Variants in RGS6 observed in about 807,000 individuals in gnomAD.
RGS6 encodes the protein regulator of G protein signaling 6, also known as regulator of G-protein signaling 6.
In RGS6, 30 loss-of-function variants were observed where a neutral mutation model predicts 78.5. That is an observed-to-expected ratio of 0.38 (90% CI 0.29 to 0.52). The LOEUF (loss-of-function observed/expected upper bound fraction) is 0.52. RGS6 is among the 20% of genes least tolerant of loss of function. The pLI is 0.85. For synonymous variants in RGS6, 206 were observed against 206.0 expected (o/e 1.00, Z 0.00); for missense variants, 495 against 609.7 (o/e 0.81, Z 1.98).
intron 3 of RGS6, among the ~76,000 whole-genome samples, chr14:72,383,177 C>CAT (rs35175623): frequency 0.11 from 7,716 of 70,558 alleles, 552 homozygotes; most frequent in Non-Finnish European, 0.15. Context: ...AAAAATTGTA[C>CAT]ATATATATAT....
At position 72,512,060 on chromosome 14, in the gene RGS6, C is replaced by T. The variant is rs117702942; in HGVS notation, c.1091+1781C>T. 3.2e-4 allele frequency among the ~76,000 whole-genome samples: 48 copies of T among 152,230 alleles called. 2 individuals carry two copies. In the East Asian group the frequency reaches 6.4e-3, roughly 20 times the overall value. ...GTGTAGCCAGCTCAGTCCCAGTTTCCACCCCCTCCATGGTCCCTATGAGCC... is the reference window on the plus strand; with the variant it reads ...GTGTAGCCAGCTCAGTCCCAGTTTCTACCCCCTCCATGGTCCCTATGAGCC... On this transcript the variant is annotated intron_variant, in intron 14 of 17. Coordinates refer to ENST00000553525, the MANE Select transcript of RGS6 (RefSeq NM_001204424.2).
the RGS6 span, chr14:72,619,511 G>T: frequency 2.2e-6 from 2 of 901,392 alleles, no homozygotes; most frequent in Non-Finnish European, 3.3e-6. Context: ...ACGTGCCAGA[G>T]TCTGTGGCTC....
intron 2 of RGS6, among the ~76,000 whole-genome samples, chr14:72,040,108 TGTA>T (rs534680728): frequency 1.2e-3 from 187 of 152,242 alleles, no homozygotes; most frequent in African/African-American, 4.5e-3. Context: ...GTTTTATAAT[TGTA>T]GTTATTTTTT....
chr14:71,917,607 C>T, the RGS6 span, among the ~76,000 whole-genome samples: 1 of 152,098 alleles, frequency 6.6e-6, no homozygotes, highest in Non-Finnish European at 1.5e-5. Flanking sequence ...CCCACCTGCT[C>T]CCTCTGTCAT....
At chr14:72,294,440 T>C (rs1437044978) in intron 2 of RGS6, among the ~76,000 whole-genome samples, 2 of 152,228 alleles carry the variant, frequency 1.3e-5, no homozygotes, top group African/African-American at 2.4e-5. Context: ...TGGATATTAT[T>C]ACCAAAGCCA....
intron 2 of RGS6, among the ~76,000 whole-genome samples, chr14:72,076,199 C>T (rs772568978): frequency 2.6e-5 from 4 of 152,186 alleles, no homozygotes; most frequent in Non-Finnish European, 4.4e-5. Context: ...GCACCTTAGC[C>T]TGTTCTTCAC....
intron 2 of RGS6, among the ~76,000 whole-genome samples, chr14:72,251,081 T>C (rs1331588552): frequency 2.0e-5 from 3 of 152,230 alleles, no homozygotes; most frequent in African/African-American, 7.2e-5. Flanking sequence ...TAGTAGTAAA[T>C]GCTTTTTAAG....
chr14:72,407,052 C>G (rs1355495886), intron 3 of RGS6, among the ~76,000 whole-genome samples: 1 of 152,176 alleles, frequency 6.6e-6, no homozygotes, highest in African/African-American at 2.4e-5. Flanking sequence ...TCTTTAGTTA[C>G]ATTGATGTTG....
rs574353339 is a variant in RGS6 at position 72,054,152 on chromosome 14, G to C, written c.84+89277G>C. Among the ~76,000 whole-genome samples the C allele has an allele frequency of 4.6e-5, 7 of 152,282 alleles. No individual in the cohort carries two copies. The South Asian group carries it at 1.5e-3, about 32-fold the overall frequency. On this transcript the variant is annotated intron_variant, in intron 2 of 17. Transcript: ENST00000553525. ...CATCATACTGAAGGATTCCTACTGTGTCAGAGATTACATTATATTAAGTCC... is the reference window on the plus strand; with the variant it reads ...CATCATACTGAAGGATTCCTACTGTCTCAGAGATTACATTATATTAAGTCC...
chr14:72,330,313 C>A (rs1291389836), intron 2 of RGS6, among the ~76,000 whole-genome samples: 1 of 152,240 alleles, frequency 6.6e-6, no homozygotes, highest in African/African-American at 2.4e-5. Context: ...AGCAACACTT[C>A]TGCAAAGGAG....
At chr14:72,105,117 T>G (rs1328291276) in intron 2 of RGS6, among the ~76,000 whole-genome samples, 1 of 152,216 alleles carries the variant, frequency 6.6e-6, no homozygotes, top group Admixed American at 6.5e-5. Flanking sequence ...TTGCATGTAT[T>G]GAGTATCAGG....
chr14:72,386,249 T>C (rs1041194688), intron 3 of RGS6, among the ~76,000 whole-genome samples: 2 of 152,060 alleles, frequency 1.3e-5, no homozygotes, highest in Non-Finnish European at 2.9e-5. Context: ...CTAAATACTA[T>C]TTGGGGGGCC....
intron 2 of RGS6, among the ~76,000 whole-genome samples, chr14:72,231,292 T>C (rs745721768): frequency 1.3e-4 from 20 of 149,094 alleles, no homozygotes; most frequent in Non-Finnish European, 1.5e-4. Context: ...ATTATTATCA[T>C]TGTTACGATT....
At chr14:72,047,658 T>G (rs1347061250) in intron 2 of RGS6, among the ~76,000 whole-genome samples, 1 of 152,214 alleles carries the variant, frequency 6.6e-6, no homozygotes, top group African/African-American at 2.4e-5. Context: ...TAACAGTGAT[T>G]GGTAGCCTTA....
At chr14:72,588,983 G>A in the RGS6 span, among the ~76,000 whole-genome samples, 3 of 152,190 alleles carry the variant, frequency 2.0e-5, no homozygotes, top group African/African-American at 7.2e-5. Context: ...TCTACCTGCT[G>A]CAGCTCCTTC....
intron 2 of RGS6, among the ~76,000 whole-genome samples, chr14:72,052,946 T>C (rs1464312911): frequency 2.9e-5 from 1 of 34,122 alleles, no homozygotes; most frequent in Non-Finnish European, 4.7e-5. Flanking sequence ...TCTTTCTTTC[T>C]TTCTTTCTTT....
intron 3 of RGS6, among the ~76,000 whole-genome samples, chr14:72,353,123 G>A (rs2079462627): frequency 6.6e-6 from 1 of 152,120 alleles, no homozygotes; most frequent in African/African-American, 2.4e-5. Flanking sequence ...AGCTACTTTG[G>A]GAACTAGTTT....
In RGS6 at chr14:71,983,904, C is replaced by T. The variant is rs76221654; in HGVS notation, c.84+19029C>T. Among the ~76,000 whole-genome samples the T allele has an allele frequency of 2.0e-5, 3 of 152,314 alleles. No individual in the cohort carries two copies. In the East Asian group the frequency reaches 5.8e-4, roughly 29 times the overall value. The stretch of plus-strand genomic sequence containing the variant: ...ACCGCGTGAAGCTTAGTGCTCTCTG[C>T]AAAGATCAAATGAACAAGTAGTGTA... On this transcript the variant is annotated intron_variant, in intron 2 of 17. Transcript: ENST00000553525.
At chr14:72,019,087 C>T (rs1022499103) in intron 2 of RGS6, among the ~76,000 whole-genome samples, 3 of 152,254 alleles carry the variant, frequency 2.0e-5, no homozygotes, top group South Asian at 2.1e-4. Context: ...CCAGGCAGCA[C>T]GTGAAGTCCT....
Sources: allele counts gnomAD v4.1 joint callset (sites outside exome capture counted in the v4.1 genomes callset), GRCh38; gene constraint gnomAD v4.1.1; transcripts MANE v1.5; gene names NCBI Gene and HGNC (gene_info 2026-07-23, HGNC 2026-07-21).